The following NTM variants were observed in gnomAD, a reference collection of about 807,000 sequenced individuals.
The protein encoded by NTM is IgLON family member 2.
Under a neutral mutation model 42.1 loss-of-function variants are expected in NTM, and 13 were observed. The observed-to-expected ratio is 0.31, with a 90% CI of 0.20 to 0.49. The LOEUF is 0.49. NTM is among the 20% of genes least tolerant of loss of function. The pLI is 0.99. For synonymous variants in NTM, 187 were observed against 179.2 expected, an observed-to-expected ratio of 1.04 and a Z score of -0.35; for missense variants, 373 against 452.8, an observed-to-expected ratio of 0.82 and a Z score of 1.60.
chr11:131,691,842 G>A (rs958080125), intron 1 of NTM, among the ~76,000 whole-genome samples: 2 of 152,242 alleles, frequency 1.3e-5, no homozygotes, highest in African/African-American at 4.8e-5. Context: ...CGTGTGTCAT[G>A]TTACTCATTA....
chr11:131,712,173 TAAAAA>T (rs369228119), intron 1 of NTM, among the ~76,000 whole-genome samples: 1 of 133,986 alleles, frequency 7.5e-6, no homozygotes, highest in Non-Finnish European at 1.6e-5. Context: ...ATTAAAAAAT[TAAAAA>T]AAAAAACAAA....
chr11:131,589,515 C>A (rs1238230096), intron 1 of NTM, among the ~76,000 whole-genome samples: 5 of 152,194 alleles, frequency 3.3e-5, no homozygotes, highest in African/African-American at 1.2e-4. Flanking sequence ...CAAAACAACC[C>A]TGTCCTCTTC....
intron 1 of NTM, among the ~76,000 whole-genome samples, chr11:131,652,886 G>A (rs562122931): frequency 1.8e-4 from 27 of 152,304 alleles, no homozygotes; most frequent in Admixed American, 1.4e-3. Flanking sequence ...CGGTCACTCC[G>A]CCTTCAGAAA....
chr11:131,894,781 A>G (rs2051993379), intron 1 of NTM, among the ~76,000 whole-genome samples: 1 of 152,162 alleles, frequency 6.6e-6, no homozygotes, highest in South Asian at 2.1e-4. Flanking sequence ...ATTTTTCATC[A>G]TTAAAGGGAA....
chr11:131,844,700 C>T (rs573228513), intron 1 of NTM, among the ~76,000 whole-genome samples: 13 of 152,126 alleles, frequency 8.5e-5, no homozygotes, highest in African/African-American at 2.6e-4. Flanking sequence ...TTTATACAGT[C>T]GGTTATTCTC....
intron 1 of NTM, among the ~76,000 whole-genome samples, chr11:131,529,571 T>C (rs1290273475): frequency 6.6e-6 from 1 of 152,148 alleles, no homozygotes; most frequent in Non-Finnish European, 1.5e-5. Flanking sequence ...AATGTGGGTT[T>C]CTACAGCATG....
chr11:131,946,603 G>A (rs2134283527), intron 2 of NTM, among the ~76,000 whole-genome samples: 1 of 152,218 alleles, frequency 6.6e-6, no homozygotes, highest in African/African-American at 2.4e-5. Flanking sequence ...TTCTCCAGAG[G>A]AGTCCACAGG....
rs200656449 is a variant in NTM at position 132,335,075 on chromosome 11, G to T, written c.997G>T (p.Gly333Cys). 6.2e-7 allele frequency: 1 copy of T among 1,612,432 alleles called. No individual in the cohort carries two copies. Among genetic ancestry groups the T allele is most frequent in the South Asian group, 1.1e-5 (1 of 91,026 alleles). ...AGGCGCCGTCAGCGAGGTGAGCAAC[G>T]GCACGTCGAGGAGGGCAGGCTGCGT... ...GPGAVSEVSN[G>C]TSRRAGCVWL... Residue 333 changes from glycine to cysteine, a missense_variant, in exon 9 of 9, where the codon GGC becomes TGC. Gly to Cys is a radical substitution (Grantham distance 159). This residue lies in a region of NTM where 312 missense variants were observed against 353.5 expected (regional missense o/e 0.88). Transcript: ENST00000683400.
chr11:131,500,567 AT>A (rs1372540720), intron 1 of NTM, among the ~76,000 whole-genome samples: 4 of 27,100 alleles, frequency 1.5e-4, no homozygotes, highest in Admixed American at 9.3e-4. Flanking sequence ...ATATATATAT[AT>A]ATATATATAT....
chr11:131,570,414 G>A (rs2057339695), intron 1 of NTM, among the ~76,000 whole-genome samples: 1 of 152,158 alleles, frequency 6.6e-6, no homozygotes, highest in East Asian at 1.9e-4. Context: ...CTAAAACCTA[G>A]AAGCAATAAA....
chr11:132,233,933 C>T (rs777994249), intron 4 of NTM, among the ~76,000 whole-genome samples: 2 of 152,242 alleles, frequency 1.3e-5, no homozygotes, highest in African/African-American at 2.4e-5. Context: ...GCCCCTGCCA[C>T]CCTCCAGGGG....
chr11:132,143,887 G>A (rs2069722966), intron 2 of NTM, among the ~76,000 whole-genome samples: 1 of 152,164 alleles, frequency 6.6e-6, no homozygotes, highest in African/African-American at 2.4e-5. Flanking sequence ...GGTGTAGTAA[G>A]AGAGGTGCAC....
chr11:132,066,484 C>G (rs1414546209), intron 2 of NTM, among the ~76,000 whole-genome samples: 1 of 152,180 alleles, frequency 6.6e-6, no homozygotes, highest in Non-Finnish European at 1.5e-5. Flanking sequence ...TAACAAATTA[C>G]CACAAACTGG....
intron 1 of NTM, among the ~76,000 whole-genome samples, chr11:131,803,553 G>C (rs563497373): frequency 6.6e-6 from 1 of 152,114 alleles, no homozygotes; most frequent in Admixed American, 6.5e-5. Flanking sequence ...CAAGCAATCC[G>C]CCCACGTTGG....
chr11:131,924,848 A>G (rs930027253), intron 2 of NTM, among the ~76,000 whole-genome samples: 31 of 152,352 alleles, frequency 2.0e-4, no homozygotes, highest in African/African-American at 7.2e-4. Context: ...ATACTCAACC[A>G]TTATAATTTA....
At chr11:131,378,660 T>C (rs1314282152) in intron 1 of NTM, among the ~76,000 whole-genome samples, 4 of 152,218 alleles carry the variant, frequency 2.6e-5, no homozygotes, top group Non-Finnish European at 4.4e-5. Context: ...TTCCTAAGCC[T>C]TCCTGCAAGA....
At chr11:132,277,995 A>G (rs1477732155) in intron 4 of NTM, among the ~76,000 whole-genome samples, 1 of 152,304 alleles carries the variant, frequency 6.6e-6, no homozygotes, top group East Asian at 1.9e-4. Flanking sequence ...GTATTAACGA[A>G]TCATCAAACA....
intron 2 of NTM, among the ~76,000 whole-genome samples, chr11:132,041,347 C>G (rs541159753): frequency 5.9e-5 from 9 of 151,878 alleles, no homozygotes; most frequent in Non-Finnish European, 1.3e-4. Context: ...TGGAAAAAAC[C>G]AGAGGAGAAG....
chr11:131,823,598 CT>C (rs771059788), intron 1 of NTM, among the ~76,000 whole-genome samples: 34 of 152,098 alleles, frequency 2.2e-4, no homozygotes, highest in Non-Finnish European at 4.0e-4. Context: ...ATAGAATACA[CT>C]CTTTAAAAGT....
Sources: allele counts gnomAD v4.1 joint callset (sites outside exome capture counted in the v4.1 genomes callset), GRCh38; gene constraint gnomAD v4.1.1; regional missense constraint gnomAD v4.1.1; transcripts MANE v1.5; gene names NCBI Gene and HGNC (gene_info 2026-07-23, HGNC 2026-07-21).